The following CACNA2D3 variants were observed in gnomAD, a reference collection of about 807,000 sequenced individuals.
CACNA2D3 encodes the protein voltage-dependent calcium channel subunit alpha-2/delta-3.
CACNA2D3 carries 60 observed loss-of-function variants against 160.6 expected under a neutral mutation model. That is an observed-to-expected ratio of 0.37 (90% CI 0.30 to 0.46). The LOEUF (loss-of-function observed/expected upper bound fraction) is 0.46, where lower values mean the gene tolerates loss of function less well. CACNA2D3 is among the 20% of genes least tolerant of loss of function. The probability of loss-of-function intolerance (pLI) is 1.00; values close to 1 mark genes in which losing one functional copy is unlikely to be tolerated. For synonymous variants in CACNA2D3, 558 were observed against 492.9 expected, an observed-to-expected ratio of 1.13 and a Z score of -1.75; for missense variants, 1,205 against 1,365.0, an observed-to-expected ratio of 0.88 and a Z score of 1.85.
intron 4 of CACNA2D3, among the ~76,000 whole-genome samples, chr3:54,443,720 C>T (rs1474628923): frequency 6.6e-6 from 1 of 152,182 alleles, no homozygotes; most frequent in Non-Finnish European, 1.5e-5. Context: ...TTGTGTTCAG[C>T]CTTCACATTC....
At chr3:54,437,614 C>A (rs1163812318) in intron 4 of CACNA2D3, among the ~76,000 whole-genome samples, 1 of 152,208 alleles carries the variant, frequency 6.6e-6, no homozygotes, top group African/African-American at 2.4e-5. Context: ...TCCTCCTAGA[C>A]CTCAAGGATG....
Position 54,561,618 on chromosome 3 carries a change from A to G in CACNA2D3, c.545-1182A>G, listed in dbSNP as rs1702326514. Among the ~76,000 whole-genome samples, 4 of 152,284 alleles carry G rather than the reference A, an allele frequency of 2.6e-5. No individual in the cohort carries two copies. In the South Asian group the frequency reaches 8.3e-4, roughly 32 times the overall value. On this transcript the variant is annotated intron_variant, in intron 5 of 37. Coordinates refer to ENST00000474759, the MANE Select transcript of CACNA2D3 (RefSeq NM_018398.3). The stretch of plus-strand genomic sequence containing the variant: ...GCCAGGAATTCCAATATTGTGTTGA[A>G]TAGGAATTCACCCTTATTTTTTTAA...
In CACNA2D3 at chr3:54,816,814, C is replaced by T. The variant is rs778396869; in HGVS notation, c.1381-39C>T. ...CATTAATTACTTATATAATGATCAA[C>T]TTTTTTCTTTTTTGTTTTGTTTTGT... On this transcript the variant is annotated intron_variant, in intron 13 of 37. Transcript: ENST00000474759. The T allele has an allele frequency of 6.2e-6, 10 of 1,609,024 alleles. No homozygotes were observed. In the South Asian group the frequency reaches 9.9e-5, roughly 16 times the overall value.
In CACNA2D3 at chr3:54,162,319, G is replaced by A. The variant is rs1700360690; in HGVS notation, c.204+38725G>A. Among the ~76,000 whole-genome samples, 3 of 152,184 alleles carry A rather than the reference G, an allele frequency of 2.0e-5. No individual in the cohort carries two copies. The South Asian group carries it at 6.2e-4, about 32-fold the overall frequency. ...TGTCTGCTGGGACCTCATCTGGGAT[G>A]ACGAAGACTGAGGATGACTTGATGG... On this transcript the variant is annotated intron_variant, in intron 2 of 37. Coordinates refer to ENST00000474759, the MANE Select transcript of CACNA2D3 (RefSeq NM_018398.3).
At chr3:54,598,896 T>C (rs990783454) in intron 9 of CACNA2D3, among the ~76,000 whole-genome samples, 1 of 152,152 alleles carries the variant, frequency 6.6e-6, no homozygotes, top group Non-Finnish European at 1.5e-5. Context: ...TCCAGAGACA[T>C]GTTAGCAAAA....
chr3:54,249,662 TAC>T (rs10656572), intron 2 of CACNA2D3, among the ~76,000 whole-genome samples: 7,504 of 132,442 alleles, frequency 0.057, 287 homozygotes, highest in African/African-American at 0.12. Context: ...TCTGTTTACG[TAC>T]ACACACACAC....
chr3:54,347,323 A>G (rs1385866370), intron 3 of CACNA2D3, among the ~76,000 whole-genome samples: 2 of 152,176 alleles, frequency 1.3e-5, no homozygotes, highest in Non-Finnish European at 2.9e-5. Context: ...TAACCAGTGC[A>G]CTTTCCTGCT....
At chr3:54,972,590 A>G (rs1702299478) in intron 29 of CACNA2D3, among the ~76,000 whole-genome samples, 1 of 151,958 alleles carries the variant, frequency 6.6e-6, no homozygotes, top group Non-Finnish European at 1.5e-5. Context: ...ACCTGGCCCA[A>G]CTCCCTCGGG....
At chr3:54,325,222 G>A (rs1704097921) in intron 3 of CACNA2D3, among the ~76,000 whole-genome samples, 1 of 152,112 alleles carries the variant, frequency 6.6e-6, no homozygotes, top group Non-Finnish European at 1.5e-5. Context: ...GCGTAACCAC[G>A]GACATCTCTG....
intron 9 of CACNA2D3, among the ~76,000 whole-genome samples, chr3:54,583,038 G>C (rs1366581639): frequency 6.6e-6 from 1 of 152,194 alleles, no homozygotes; most frequent in East Asian, 1.9e-4. Flanking sequence ...CATGGTAATT[G>C]TTTAGGCTAA....
intron 9 of CACNA2D3, among the ~76,000 whole-genome samples, chr3:54,624,404 T>C (rs575520333): frequency 6.6e-6 from 1 of 152,154 alleles, no homozygotes; most frequent in East Asian, 1.9e-4. Context: ...GGGTGGATCA[T>C]GAGGTCAGGA....
chr3:54,348,792 G>A (rs1401212210), intron 3 of CACNA2D3, among the ~76,000 whole-genome samples: 1 of 152,104 alleles, frequency 6.6e-6, no homozygotes, highest in Non-Finnish European at 1.5e-5. Context: ...GCTGTGGCAC[G>A]ATCCCCACTC....
chr3:54,803,910 T>G (rs1703053676), intron 13 of CACNA2D3, among the ~76,000 whole-genome samples: 1 of 152,086 alleles, frequency 6.6e-6, no homozygotes, highest in Admixed American at 6.5e-5. Flanking sequence ...TCAACATTCT[T>G]AAAGAAAAGA....
chr3:54,924,825 T>C, intron 27 of CACNA2D3: 5 of 1,614,008 alleles, frequency 3.1e-6, no homozygotes, highest in Non-Finnish European at 4.2e-6. Flanking sequence ...GTGGCTTATG[T>C]TGTTTGATGA....
chr3:54,774,444 G>A (rs910738055), intron 13 of CACNA2D3, among the ~76,000 whole-genome samples: 4 of 151,896 alleles, frequency 2.6e-5, no homozygotes, highest in South Asian at 2.1e-4. Context: ...ACCAGATCTC[G>A]TGAGCACTCA....
At chr3:54,811,411 C>A (rs1208915834) in intron 13 of CACNA2D3, among the ~76,000 whole-genome samples, 1 of 148,074 alleles carries the variant, frequency 6.8e-6, no homozygotes, top group Non-Finnish European at 1.5e-5. Context: ...TGGGGTCAGA[C>A]TATTGCCTGC....
intron 4 of CACNA2D3, among the ~76,000 whole-genome samples, chr3:54,394,313 T>A (rs1699334789): frequency 1.4e-5 from 2 of 139,092 alleles, no homozygotes; most frequent in Admixed American, 7.5e-5. Flanking sequence ...CCTTGGAGAG[T>A]GAACATTTTT....
At position 54,779,246 on chromosome 3, in the gene CACNA2D3, G is replaced by A. The variant is rs143971826; in HGVS notation, c.1380+14895G>A. On this transcript the variant is annotated intron_variant, in intron 13 of 37. Coordinates refer to ENST00000474759, the MANE Select transcript of CACNA2D3 (RefSeq NM_018398.3). ...CCAAGTAGTTGGGACTACAAGGTGT[G>A]TGCCACTACGCCCAGCTAATTTGTG... Among the ~76,000 whole-genome samples, 719 of 152,104 alleles carry A rather than the reference G, an allele frequency of 4.7e-3. 7 individuals are homozygous for A. The highest frequency in any genetic ancestry group is 0.027 in the Middle Eastern group (8 of 294).
chr3:54,686,690 T>A (rs2106923786), intron 11 of CACNA2D3, among the ~76,000 whole-genome samples: 1 of 152,354 alleles, frequency 6.6e-6, no homozygotes, highest in Middle Eastern at 3.4e-3. Flanking sequence ...CTATTTGACA[T>A]CTCATGAATT....
Sources: allele counts gnomAD v4.1 joint callset (sites outside exome capture counted in the v4.1 genomes callset), GRCh38; gene constraint gnomAD v4.1.1; transcripts MANE v1.5; gene names NCBI Gene and HGNC (gene_info 2026-07-23, HGNC 2026-07-21).